Variants in SRP68 observed in about 807,000 individuals in gnomAD.
SRP68 encodes signal recognition particle subunit SRP68.
In SRP68, 15 loss-of-function variants were observed where a neutral mutation model predicts 82.2. That is an observed-to-expected ratio of 0.18 (90% CI 0.12 to 0.28). The LOEUF (loss-of-function observed/expected upper bound fraction) is 0.28, where lower values mean the gene tolerates loss of function less well. SRP68 is among the 10% of genes least tolerant of loss of function. The pLI is 1.00. For missense variants in SRP68, 595 were observed against 780.5 expected, an observed-to-expected ratio of 0.76 and a Z score of 2.83; for synonymous variants, 261 against 292.6, an observed-to-expected ratio of 0.89 and a Z score of 1.10.
chr17:76,069,126 G>A (rs1355835725), intron 2 of SRP68, among the ~76,000 whole-genome samples: 3 of 151,858 alleles, frequency 2.0e-5, no homozygotes, highest in Non-Finnish European at 2.9e-5. Context: ...GGTGGTTCAC[G>A]CCTGTAATCC....
chr17:76,048,469 A>T (rs1343553085), intron 9 of SRP68: 1 of 152,290 alleles, frequency 6.6e-6, no homozygotes, highest in African/African-American at 2.4e-5. Context: ...TCTCTGAATT[A>T]TCTGGGTGGG....
At chr17:76,058,912 G>A (rs774344634) in intron 7 of SRP68, among the ~76,000 whole-genome samples, 7 of 152,162 alleles carry the variant, frequency 4.6e-5, no homozygotes, top group Admixed American at 1.3e-4. Context: ...TCTATGCAAC[G>A]GAGTACCATG....
chr17:76,056,846 C>G (rs2066717008), intron 8 of SRP68, among the ~76,000 whole-genome samples: 3 of 152,188 alleles, frequency 2.0e-5, no homozygotes, highest in Admixed American at 1.3e-4. Flanking sequence ...CTATGTCATA[C>G]AAAGGTCACC....
rs781721284 is a variant in SRP68 at position 76,061,497 on chromosome 17, T to C, written c.639A>G (p.Lys213=). 2 of 1,613,524 alleles carry C rather than the reference T, an allele frequency of 1.2e-6. No individual in the cohort carries two copies. Among genetic ancestry groups the C allele is most frequent in the East Asian group, 2.2e-5 (1 of 44,898 alleles). ...CTTTGGACTATAGGACTTACTTGCA[T>C]TTGTTAAAAGCCTCAATGGCAGCTT... The part of the protein sequence containing the change: ...EWKAAIEAFN[K]CKTIYEKLAS... The change falls in exon 5 of 16, where the codon AAA becomes AAG. Residue 213 remains lysine (K), a synonymous_variant. Transcript: ENST00000307877.
At chr17:76,059,062 A>C (rs2066731944) in intron 7 of SRP68, among the ~76,000 whole-genome samples, 1 of 152,090 alleles carries the variant, frequency 6.6e-6, no homozygotes, top group African/African-American at 2.4e-5. Flanking sequence ...CCTGGGAAAC[A>C]CAGTGAGACT....
chr17:76,067,412 G>C, intron 2 of SRP68, 82 bp from the exon 3 acceptor site: 1 of 936,754 alleles, frequency 1.1e-6, no homozygotes, highest in African/African-American at 1.7e-5. Context: ...GCAAGGTCAA[G>C]GGTCAATGGT....
At chr17:76,063,718 T>C (rs1295165609) in intron 4 of SRP68, among the ~76,000 whole-genome samples, 1 of 150,720 alleles carries the variant, frequency 6.6e-6, no homozygotes, top group African/African-American at 2.4e-5. Context: ...TACAGCTAGT[T>C]ATAAAAAACC....
In SRP68 at chr17:76,061,213, G is replaced by T. The variant is rs1414740383; in HGVS notation, c.651C>A (p.Ile217=). 1.9e-6 allele frequency: 3 copies of T among 1,609,140 alleles called. No individual in the cohort carries two copies. Among genetic ancestry groups the T allele is most frequent in the Middle Eastern group, 1.7e-4 (1 of 6,046 alleles). Residue 217 remains isoleucine, a synonymous_variant, in exon 6 of 16, where the codon ATC becomes ATA. Transcript: ENST00000307877. ...TGAAAGCACTGGCTAGCTTCTCATA[G>T]ATAGTTCTGCGAGAAAAGAAAAGCC... ...AIEAFNKCKT[I]YEKLASAFTE...
intron 4 of SRP68, among the ~76,000 whole-genome samples, chr17:76,062,755 AT>A (rs2066775854): frequency 1.3e-5 from 1 of 78,222 alleles, no homozygotes; most frequent in Non-Finnish European, 2.3e-5. Context: ...ATATATATAT[AT>A]ATATATATAA....
intron 15 of SRP68, 80 bp from the exon 16 acceptor site, chr17:76,040,013 G>A: frequency 7.1e-7 from 1 of 1,403,290 alleles, no homozygotes; most frequent in Non-Finnish European, 9.9e-7. Flanking sequence ...CCGACTGCCT[G>A]GTTCAGAGCT....
chr17:76,070,180 C>A (rs1275733454), intron 2 of SRP68, among the ~76,000 whole-genome samples, 198 bp downstream of exon 2: 2 of 132,402 alleles, frequency 1.5e-5, no homozygotes, highest in African/African-American at 3.0e-5. Flanking sequence ...GCCAACATTG[C>A]GCCACTGCAC....
intron 12 of SRP68, among the ~76,000 whole-genome samples, chr17:76,044,558 C>T (rs2066615760): frequency 6.6e-6 from 1 of 152,184 alleles, no homozygotes; most frequent in African/African-American, 2.4e-5. Flanking sequence ...TGGGCCCCAT[C>T]GTGCTACCCA....
Position 76,045,932 on chromosome 17 carries a change from G to C in SRP68, c.1299+106C>G, listed in dbSNP as rs934465901. On this transcript the variant is annotated intron_variant, in intron 11 of 15. Transcript: ENST00000307877. ...TTTGTCTCTTCCCAGCTACTAATAG[G>C]TCCTGCTTGTCACAGCCCTTCCGTG... 2.2e-6 allele frequency: 3 copies of C among 1,391,954 alleles called. No homozygotes were observed. The African/African-American group carries it at 4.3e-5, about 20-fold the overall frequency. 86.2% of individuals were successfully genotyped at this position (1,391,954 alleles called of 1,614,324 possible).
chr17:76,057,014 G>GC (rs1366481036), intron 8 of SRP68, among the ~76,000 whole-genome samples: 2 of 152,186 alleles, frequency 1.3e-5, no homozygotes, highest in Non-Finnish European at 2.9e-5. Context: ...ATCCTGCAAA[G>GC]CCCCAGGACT....
At chr17:76,053,080 G>A (rs1046841538) in intron 8 of SRP68, among the ~76,000 whole-genome samples, 1 of 151,802 alleles carries the variant, frequency 6.6e-6, no homozygotes. Context: ...TGGGCAACAT[G>A]ACAAAACCCC....
At chr17:76,045,800 C>T (rs962854661) in intron 11 of SRP68, among the ~76,000 whole-genome samples, 1 of 152,172 alleles carries the variant, frequency 6.6e-6, no homozygotes, top group African/African-American at 2.4e-5. Flanking sequence ...CACCTGGGAG[C>T]GTCTTACACA....
In SRP68 at chr17:76,043,928, C is replaced by T. The variant is rs1446419602; in HGVS notation, c.1425G>A (p.Leu475=). 1 of 1,611,030 alleles carries T rather than the reference C, an allele frequency of 6.2e-7. No individual in the cohort carries two copies. The highest frequency in any genetic ancestry group is 2.2e-5 in the East Asian group (1 of 44,694). ...RCFFIAQSYV[L]VKKWSEALVL... is the part of the protein sequence containing the mutation. ...CAAGGGCTTCGCTCCACTTCTTCAC[C>T]AGCACATAGGACTGAGCAATGAAAA... is the stretch of plus-strand genomic sequence containing the variant. The change falls in exon 13 of 16, where the codon CTG becomes CTA. Residue 475 remains leucine (L), a synonymous_variant. Transcript: ENST00000307877.
intron 8 of SRP68, 112 bp downstream of exon 8, chr17:76,057,291 A>G (rs563370271): frequency 3.2e-4 from 423 of 1,317,126 alleles, no homozygotes; most frequent in Non-Finnish European, 4.2e-4. Context: ...CCAAAACAGC[A>G]TTAAAAGTTT....
At chr17:76,064,255 G>T in intron 3 of SRP68, 84 bp from the exon 4 acceptor site, 2 of 1,281,948 alleles carry the variant, frequency 1.6e-6, no homozygotes, top group Non-Finnish European at 1.1e-6. Context: ...CGGCTTCTCG[G>T]CTTTTCTTTA....
Sources: gnomAD v4.1 joint callset for allele counts (sites outside exome capture counted in the v4.1 genomes callset) on GRCh38, gnomAD v4.1.1 for gene constraint, MANE v1.5 for transcripts, NCBI Gene and HGNC (gene_info 2026-07-23, HGNC 2026-07-21) for gene names.